Variants in AFF3 observed in about 807,000 individuals in gnomAD.
AFF3 encodes AF4/FMR2 family member 3.
In AFF3, 32 loss-of-function variants were observed where a neutral mutation model predicts 129.7. The ratio of observed to expected loss-of-function variants is 0.25; its 90% confidence interval spans 0.19 to 0.33. AFF3 has a LOEUF of 0.33. AFF3 is among the 10% of genes least tolerant of loss of function. The pLI is 1.00. For synonymous variants in AFF3, 644 were observed against 635.4 expected, an observed-to-expected ratio of 1.01 and a Z score of -0.20; for missense variants, 1,373 against 1,592.0, an observed-to-expected ratio of 0.86 and a Z score of 2.34.
At chr2:100,110,077 C>G (rs1408104902) in intron 2 of AFF3, 2 of 152,212 alleles carry the variant, frequency 1.3e-5, no homozygotes, top group Non-Finnish European at 2.9e-5. Context: ...CTCCTTGTCT[C>G]TAGCCTCAAC....
chr2:100,051,238 C>G (rs775260459), intron 4 of AFF3, among the ~76,000 whole-genome samples: 13 of 152,164 alleles, frequency 8.5e-5, no homozygotes, highest in Non-Finnish European at 1.6e-4. Flanking sequence ...CTGGATGAAA[C>G]CCCTGGGGTA....
rs1482315954 is a variant in AFF3, at chr2:99,565,447, TC to T, written c.3119+39del. The T allele has an allele frequency of 2.5e-6, 4 of 1,603,244 alleles. No individual in the cohort carries two copies. In the African/African-American group the frequency reaches 4.0e-5, roughly 16 times the overall value. On this transcript the variant is annotated intron_variant, in intron 20 of 24. Transcript: ENST00000672756. ...TAACCATAGTGCTTCCACACATTCC[TC>T]ACTCCTCCCCTCATCCAGCAAGAAA...
At chr2:99,970,002 T>G (rs1415699544) in intron 7 of AFF3, among the ~76,000 whole-genome samples, 1 of 152,202 alleles carries the variant, frequency 6.6e-6, no homozygotes, top group Non-Finnish European at 1.5e-5. Context: ...CAGTTCTCTG[T>G]GCTGCTCTCC....
chr2:99,676,506 T>G (rs1687616392), intron 11 of AFF3, among the ~76,000 whole-genome samples: 1 of 152,112 alleles, frequency 6.6e-6, no homozygotes, highest in South Asian at 2.1e-4. Flanking sequence ...GAGAACTTAC[T>G]CCACAATCCT....
chr2:99,681,908 A>ATT (rs35944169), intron 11 of AFF3, among the ~76,000 whole-genome samples: 19,100 of 139,460 alleles, frequency 0.14, 1,625 homozygotes, highest in African/African-American at 0.21. Flanking sequence ...CCTTAATTCT[A>ATT]TTTTTTTTTT....
chr2:100,034,020 C>T (rs1359901850), intron 4 of AFF3, among the ~76,000 whole-genome samples: 4 of 152,162 alleles, frequency 2.6e-5, no homozygotes, highest in African/African-American at 7.2e-5. Context: ...CAATAAGAAC[C>T]GAAGCAGTAA....
At chr2:100,056,063 TCACACACACACACA>T (rs369771394) in intron 4 of AFF3, among the ~76,000 whole-genome samples, 4 of 120,516 alleles carry the variant, frequency 3.3e-5, no homozygotes, top group East Asian at 2.4e-4. Context: ...TGTCTCTCTC[TCACACACACACACA>T]CACACACACA....
intron 19 of AFF3, 49 bp from the exon 20 acceptor site, chr2:99,565,672 A>T (rs751523840): frequency 1.9e-6 from 3 of 1,581,336 alleles, no homozygotes; most frequent in East Asian, 2.3e-5. Context: ...AGTTTTTTTT[A>T]AATGGCATTG....
At chr2:99,878,591 C>T (rs1000092121) in intron 7 of AFF3, among the ~76,000 whole-genome samples, 4 of 152,190 alleles carry the variant, frequency 2.6e-5, no homozygotes, top group African/African-American at 9.6e-5. Flanking sequence ...TCTTCCAAGT[C>T]TCATGCTCTC....
intron 1 of AFF3, among the ~76,000 whole-genome samples, chr2:100,140,066 A>T (rs910144084): frequency 2.6e-5 from 4 of 152,220 alleles, no homozygotes; most frequent in Admixed American, 6.5e-5. Context: ...ACTTGCCTTT[A>T]CCGAAGGTGG....
Position 100,106,073 on chromosome 2 carries a change from C to G in AFF3, c.-144-490G>C, listed in dbSNP as rs962556737. 4.5e-5 allele frequency: 59 copies of G among 1,305,346 alleles called. No individual in the cohort carries two copies. In the African/African-American group the frequency reaches 8.9e-4, roughly 20 times the overall value. 80.9% of individuals were successfully genotyped at this position (1,305,346 alleles called of 1,614,324 possible). On this transcript the variant is annotated intron_variant, in intron 2 of 24. Transcript: ENST00000672756. ...GAGGATTAACAAACTCAATTCAGGA[C>G]ACAGGTAGAAGACCAAAAGGCCAAT...
At chr2:99,786,491 A>G (rs1684801184) in intron 8 of AFF3, among the ~76,000 whole-genome samples, 1 of 152,224 alleles carries the variant, frequency 6.6e-6, no homozygotes, top group Non-Finnish European at 1.5e-5. Context: ...ATGTTTAAAA[A>G]AATCAAGATT....
At chr2:99,624,547 G>A (rs565068761) in intron 13 of AFF3, among the ~76,000 whole-genome samples, 9 of 152,222 alleles carry the variant, frequency 5.9e-5, no homozygotes, top group East Asian at 3.9e-4. Flanking sequence ...TCACCCACAC[G>A]CAGCCCCATT....
intron 12 of AFF3, among the ~76,000 whole-genome samples, chr2:99,668,235 G>C (rs1216994675): frequency 2.0e-5 from 3 of 150,380 alleles, no homozygotes. Context: ...GCAGTGGCTT[G>C]ATCATAGCTC....
At chr2:99,906,662 G>A (rs947642186) in intron 7 of AFF3, among the ~76,000 whole-genome samples, 2 of 152,068 alleles carry the variant, frequency 1.3e-5, no homozygotes, top group Non-Finnish European at 2.9e-5. Flanking sequence ...GCAGAAATGA[G>A]GATTCCCTGA....
chr2:99,741,048 T>G (rs1391179255), intron 10 of AFF3, among the ~76,000 whole-genome samples: 1 of 152,232 alleles, frequency 6.6e-6, no homozygotes, highest in Admixed American at 6.5e-5. Flanking sequence ...GCACCATTTA[T>G]TAAATAGGGA....
chr2:99,593,861 G>A lies in AFF3; in HGVS notation c.1800C>T (p.Ala600=), dbSNP rs1679002033. Residue 600 remains alanine, a synonymous_variant, in exon 15 of 25, where the codon GCC becomes GCT. Transcript: ENST00000672756. The part of the protein sequence containing the change: ...RTERTSAGDG[A]NCHRPEEPAA... ...CGGGCTCCTCGGGCCGGTGGCAGTT[G>A]GCGCCGTCCCCGGCTGAGGTCCTCT... 3 of 1,581,250 alleles carry A rather than the reference G, an allele frequency of 1.9e-6. No individual in the cohort carries two copies. In the East Asian group the frequency reaches 6.8e-5, roughly 36 times the overall value.
intron 8 of AFF3, among the ~76,000 whole-genome samples, chr2:99,766,622 T>TTCCC (rs1558830102): frequency 6.6e-6 from 1 of 152,126 alleles, no homozygotes; most frequent in South Asian, 2.1e-4. Context: ...TATTAAAACA[T>TTCCC]TCCCCCCCAA....
In AFF3 at chr2:99,546,321, T is replaced by G. The variant is rs1674072402; in HGVS notation, c.*5153A>C. 4.3e-6 allele frequency: 1 copy of G among 232,770 alleles called. No homozygotes were observed. Among genetic ancestry groups the G allele is most frequent in the Non-Finnish European group, 8.5e-6 (1 of 117,820 alleles). 14.4% of individuals were successfully genotyped at this position (232,770 alleles called of 1,614,324 possible). On this transcript the variant is annotated 3_prime_UTR_variant, in exon 25 of 25. Coordinates refer to ENST00000672756, the MANE Select transcript of AFF3 (RefSeq NM_001386135.1). ...CAGTGGTTGGTGAAGCAAAGCCAAG[T>G]TCCTGTCCCACCCATCTCTGGGATG...
Sources: allele counts gnomAD v4.1 joint callset (sites outside exome capture counted in the v4.1 genomes callset), GRCh38; gene constraint gnomAD v4.1.1; transcripts MANE v1.5; gene names NCBI Gene and HGNC (gene_info 2026-07-23, HGNC 2026-07-21).